The following MIF4GD variants were observed in gnomAD, a reference collection of about 807,000 sequenced individuals.
The protein encoded by MIF4GD is MIF4G domain containing, also known as MIF4G domain-containing protein.
MIF4GD carries 22 observed loss-of-function variants against 26.7 expected under a neutral mutation model. The ratio of observed to expected loss-of-function variants is 0.82; its 90% CI spans 0.59 to 1.18. The LOEUF (loss-of-function observed/expected upper bound fraction) is 1.18, where lower values mean the gene tolerates loss of function less well. Ranked by LOEUF, MIF4GD falls within the 50% of genes most tolerant of loss-of-function variation. MIF4GD has a pLI of 0.00. For missense variants in MIF4GD, 262 were observed against 279.6 expected (o/e 0.94, Z 0.45); for synonymous variants, 137 against 111.6 (o/e 1.23, Z -1.43).
rs145256099 is a variant in MIF4GD, at chr17:75,267,887, T to G, written c.207A>C (p.Gln69His). Reference sequence around the variant, plus strand: ...CACGTCGGAAGACACTCTGGCCTGCTTGTTTACTCTCTGCCTGTGAGCCAG... The same window carrying G: ...CACGTCGGAAGACACTCTGGCCTGCGTGTTTACTCTCTGCCTGTGAGCCAG... ...CYAIIQAESK[Q>H]AGQSVFRRGL... The change falls in exon 4 of 6, where the codon CAA becomes CAC. Residue 69 changes from glutamine (Q) to histidine (H), a missense_variant. Physicochemically the swap from Gln to His is conservative, Grantham distance 24 (BLOSUM62 0). Coordinates refer to ENST00000325102, the MANE Select transcript of MIF4GD (RefSeq NM_001370592.1). 5.0e-6 allele frequency: 8 copies of G among 1,612,650 alleles called. No individual in the cohort carries two copies. Among genetic ancestry groups the G allele is most frequent in the Non-Finnish European group, 6.8e-6 (8 of 1,179,510 alleles).
intron 2 of MIF4GD, chr17:75,269,547 ACTT>A: frequency 3.9e-6 from 3 of 766,078 alleles, no homozygotes; most frequent in African/African-American, 2.5e-5. Flanking sequence ...TTATGGTTAA[ACTT>A]TTTTTTTTTT....
intron 2 of MIF4GD, among the ~76,000 whole-genome samples, chr17:75,269,641 C>T (rs1238760047): frequency 6.7e-6 from 1 of 148,762 alleles, no homozygotes; most frequent in Non-Finnish European, 1.5e-5. Context: ...CTCATGGCAC[C>T]CTCACCCTCC....
At chr17:75,267,340 T>A (rs1598153870) in intron 5 of MIF4GD, 198 bp downstream of exon 5, 1 of 615,860 alleles carries the variant, frequency 1.6e-6, no homozygotes, top group African/African-American at 1.8e-5. Flanking sequence ...AGCCAGTAGG[T>A]TTTGGCTGCT....
intron 2 of MIF4GD, chr17:75,269,474 G>A (rs1171086749): frequency 6.2e-7 from 1 of 1,612,014 alleles, no homozygotes; most frequent in Admixed American, 1.7e-5. Context: ...ACGGGGCTAT[G>A]GCAGCACAGA....
rs547476219 is a variant in MIF4GD at position 75,269,548 on chromosome 17, CT to C, written c.82+565del. The C allele has an allele frequency of 3.5e-4, 195 of 558,908 alleles. No individual in the cohort carries two copies. The African/African-American group carries it at 4.7e-3, about 14-fold the overall frequency. The allele number at this position is 558,908 out of a possible 1,614,324, so 34.6% of individuals were successfully genotyped here. A position where few individuals can be genotyped will look rare whatever the true frequency, so the allele number is the denominator to read the frequency against. Reference sequence around the variant, plus strand: ...CCGTGTTCTTTTTTTTATGGTTAAACTTTTTTTTTTTTTTTTTTTTTTTTTT... The same window carrying C: ...CCGTGTTCTTTTTTTTATGGTTAAACTTTTTTTTTTTTTTTTTTTTTTTTT... On this transcript the variant is annotated intron_variant, in intron 2 of 5. Transcript: ENST00000325102.
rs547476219 is a variant in MIF4GD at position 75,269,548 on chromosome 17, C to CTTTTTTTTTT, written c.82+556_82+565dup. ...CCGTGTTCTTTTTTTTATGGTTAAA[C>CTTTTTTTTTT]TTTTTTTTTTTTTTTTTTTTTTTTT... On this transcript the variant is annotated intron_variant, in intron 2 of 5. Transcript: ENST00000325102. 19 of 559,084 alleles carry CTTTTTTTTTT rather than the reference C, an allele frequency of 3.4e-5. No homozygotes were observed. The African/African-American group carries it at 4.0e-4, about 12-fold the overall frequency. The allele number at this position is 559,084 out of a possible 1,614,324, so 34.6% of individuals were successfully genotyped here.
intron 2 of MIF4GD, among the ~76,000 whole-genome samples, chr17:75,268,450 G>A (rs1598159054): frequency 6.6e-6 from 1 of 152,006 alleles, no homozygotes; most frequent in South Asian, 2.1e-4. Context: ...GATCACCTGG[G>A]GTCAGGAGTT....
Position 75,270,260 on chromosome 17 carries a change from C to A in MIF4GD, c.-50-15G>T. ...AAGGACAGCACCTGAGGAGAAGAGG[C>A]GAAGGGAGCGGCCTCAGGTGTGGAG... On this transcript the variant is annotated splice_polypyrimidine_tract_variant and intron_variant, in intron 1 of 5. Transcript: ENST00000325102. The surrounding 1 kb of genome is among the most constrained non-coding windows in gnomAD (Gnocchi z 5.7). 1 of 1,420,600 alleles carries A rather than the reference C, an allele frequency of 7.0e-7. No individual in the cohort carries two copies. Among genetic ancestry groups the A allele is most frequent in the Non-Finnish European group, 9.9e-7 (1 of 1,006,228 alleles). 88.0% of individuals were successfully genotyped at this position (1,420,600 alleles called of 1,614,324 possible). A position where few individuals can be genotyped will look rare whatever the true frequency, so the allele number is the denominator to read the frequency against.
chr17:75,269,483 GA>G, intron 2 of MIF4GD: 1 of 1,585,420 alleles, frequency 6.3e-7, no homozygotes, highest in African/African-American at 1.4e-5. Context: ...TGGCAGCACA[GA>G]AACCAGCAAT....
rs945452382 is a variant in MIF4GD at position 75,266,552 on chromosome 17, G to T, written c.*188C>A. On this transcript the variant is annotated 3_prime_UTR_variant, in exon 6 of 6. Transcript: ENST00000325102. ...CCTGGCCGTGGTGGGTTGTGGTGGG[G>T]AAAGGGGCTCAGGGCAGGACCACGG... The T allele has an allele frequency of 6.3e-6, 4 of 630,684 alleles. No homozygotes were observed. Among genetic ancestry groups the T allele is most frequent in the Middle Eastern group, 2.5e-4 (1 of 3,968 alleles). 39.1% of individuals were successfully genotyped at this position (630,684 alleles called of 1,614,324 possible).
At position 75,266,761 on chromosome 17, in the gene MIF4GD, G is replaced by T; in HGVS notation, c.648C>A (p.Tyr216Ter). 1 of 1,614,208 alleles carries T rather than the reference G, an allele frequency of 6.2e-7. No homozygotes were observed. Among genetic ancestry groups the T allele is most frequent in the Non-Finnish European group, 8.5e-7 (1 of 1,180,034 alleles). ...AGGCCTAGTCGGAGACTTCGCTGTA[G>T]TAATACTTGTGGGCAGCTGGCGTTG... ...WKTTPAAHKY[Y>*]YSEVSD is the part of the protein sequence containing the mutation. Residue 216 changes from tyrosine to a stop codon, truncating the protein, a stop_gained, in exon 6 of 6, where the codon TAC becomes TAA. Coordinates refer to ENST00000325102, the MANE Select transcript of MIF4GD (RefSeq NM_001370592.1). LOFTEE classifies it high-confidence loss of function.
rs1333348038 is a variant in MIF4GD at position 75,266,886 on chromosome 17, C to A, written c.523G>T (p.Val175Leu). The change falls in exon 6 of 6, where the codon GTG becomes TTG. Residue 175 changes from valine (V) to leucine (L), a missense_variant. Physicochemically the swap from Val to Leu is conservative, Grantham distance 32 (BLOSUM62 1). Coordinates refer to ENST00000325102, the MANE Select transcript of MIF4GD (RefSeq NM_001370592.1). ...AGCAGGAAGCCATCCCGGATCAGCA[C>A]AAAGAGCTCATCCATGCGCTGCCCA... is the stretch of plus-strand genomic sequence containing the variant. Reference protein sequence around the residue: ...MNGQRMDELFVLIRDGFLLPT... With the variant: ...MNGQRMDELFLLIRDGFLLPT... 1 of 1,614,094 alleles carries A rather than the reference C, an allele frequency of 6.2e-7. No individual in the cohort carries two copies. Among genetic ancestry groups the A allele is most frequent in the Non-Finnish European group, 8.5e-7 (1 of 1,180,052 alleles).
In MIF4GD at chr17:75,267,870, A is replaced by G; in HGVS notation, c.224T>C (p.Phe75Ser). The G allele has an allele frequency of 6.2e-7, 1 of 1,613,624 alleles. No individual in the cohort carries two copies. The highest frequency in any genetic ancestry group is 8.5e-7 in the Non-Finnish European group (1 of 1,179,906). ...CAGCCGGTTGAGGAGTCCACGTCGG[A>G]AGACACTCTGGCCTGCTTGTTTACT... ...AESKQAGQSVFRRGLLNRLQQ... is the reference protein window; with the variant it reads ...AESKQAGQSVSRRGLLNRLQQ... Residue 75 changes from phenylalanine to serine, a missense_variant, in exon 4 of 6, where the codon TTC (phenylalanine) becomes TCC (serine). Phe to Ser is a radical substitution (Grantham distance 155). Coordinates refer to ENST00000325102, the MANE Select transcript of MIF4GD (RefSeq NM_001370592.1).
Position 75,270,121 on chromosome 17 carries a change from T to A in MIF4GD, c.75A>T (p.Ala25=). ...DAETQQLLKT[A]LKDPGAVDLE... ...GAGGGGTCCCGTGCTCACCTTTGAG[T>A]GCTGTCTTCAGCAGCTGCTGGGTCT... The change falls in exon 2 of 6, where the codon GCA becomes GCT. Residue 25 remains alanine, a synonymous_variant. Coordinates refer to ENST00000325102, the MANE Select transcript of MIF4GD (RefSeq NM_001370592.1). The surrounding 1 kb of genome is among the most constrained non-coding windows in gnomAD (Gnocchi z 5.7). 6.2e-7 allele frequency: 1 copy of A among 1,613,928 alleles called. No homozygotes were observed. The highest frequency in any genetic ancestry group is 8.5e-7 in the Non-Finnish European group (1 of 1,179,898).
At chr17:75,267,059 T>G in intron 5 of MIF4GD, 92 bp from the exon 6 acceptor site, 1 of 1,047,190 alleles carries the variant, frequency 9.5e-7, no homozygotes, top group Non-Finnish European at 1.4e-6. Context: ...GTGCTTTGCC[T>G]TTACACTCAT....
At chr17:75,267,977 CTCTT>C (rs1458467981) in intron 3 of MIF4GD, 76 bp from the exon 4 acceptor site, 32 of 1,600,396 alleles carry the variant, frequency 2.0e-5, no homozygotes, top group Middle Eastern at 1.9e-4. Flanking sequence ...GCCTCTCTCT[CTCTT>C]TGAGCTAGAC....
Position 75,268,120 on chromosome 17 carries a change from C to G in MIF4GD, c.155G>C (p.Ser52Thr). 1 of 1,614,254 alleles carries G rather than the reference C, an allele frequency of 6.2e-7. No homozygotes were observed. Residue 52 changes from serine to threonine, a missense_variant, in exon 3 of 6, where the codon AGC becomes ACC. By Grantham distance (58) the Ser-to-Thr change is moderately conservative. Transcript: ENST00000325102. ...GTAGCACATGCGTCCTGCTTCCTTG[C>G]TGAACACACAGTCCTGCAGAGAATG... ...VDHSLQDCVF[S>T]KEAGRMCYAI...
intron 2 of MIF4GD, chr17:75,269,429 T>A (rs779970856): frequency 6.2e-7 from 1 of 1,614,128 alleles, no homozygotes; most frequent in African/African-American, 1.3e-5. Flanking sequence ...ATTCTCCATC[T>A]TCTGTCTCAA....
intron 5 of MIF4GD, among the ~76,000 whole-genome samples, chr17:75,267,229 C>G (rs2077523085): frequency 6.6e-6 from 1 of 151,958 alleles, no homozygotes. Flanking sequence ...CACACACTGC[C>G]TGACCCTGGT....
Sources: gnomAD v4.1 joint callset for allele counts (sites outside exome capture counted in the v4.1 genomes callset) on GRCh38, gnomAD v4.1.1 for gene constraint, Gnocchi (gnomAD v3.1) non-coding constraint, MANE v1.5 for transcripts, NCBI Gene and HGNC (gene_info 2026-07-23, HGNC 2026-07-21) for gene names.